The following BMPR1B variants were observed in gnomAD, a reference collection of about 807,000 sequenced individuals.
The protein encoded by BMPR1B is bone morphogenetic protein receptor type 1B.
A neutral mutation model predicts 59.1 loss-of-function variants in BMPR1B; 12 were observed. The observed-to-expected ratio is 0.20, with a 90% CI of 0.13 to 0.33. The LOEUF (loss-of-function observed/expected upper bound fraction) is 0.33, where lower values mean the gene tolerates loss of function less well. Among genes scored for constraint, BMPR1B ranks in the 10% least tolerant of loss-of-function variants. BMPR1B has a pLI of 1.00. For synonymous variants in BMPR1B, 237 were observed against 207.3 expected, an observed-to-expected ratio of 1.14 and a Z score of -1.23; for missense variants, 550 against 610.9, an observed-to-expected ratio of 0.90 and a Z score of 1.05.
At chr4:95,075,358 A>G (rs1313257124) in intron 3 of BMPR1B, among the ~76,000 whole-genome samples, 1 of 152,174 alleles carries the variant, frequency 6.6e-6, no homozygotes, top group East Asian at 1.9e-4. Flanking sequence ...TTAGGCAGTT[A>G]ATAGTGAATC....
chr4:94,968,621 A>G lies in BMPR1B; in HGVS notation c.-112-27419A>G, dbSNP rs537834104. Among the ~76,000 whole-genome samples the G allele has an allele frequency of 3.3e-5, 5 of 152,250 alleles. No individual in the cohort carries two copies. In the East Asian group the frequency reaches 9.7e-4, roughly 29 times the overall value. ...TAGTTTTGACGTTGACCCTTATGCT[A>G]CAACTTTCCAAGGCAGGTGGCAGGA... On this transcript the variant is annotated intron_variant, in intron 2 of 12. Coordinates refer to ENST00000515059, the MANE Select transcript of BMPR1B (RefSeq NM_001203.3).
chr4:94,883,220 A>G (rs982416770), intron 2 of BMPR1B, among the ~76,000 whole-genome samples: 9 of 152,114 alleles, frequency 5.9e-5, no homozygotes, highest in African/African-American at 1.4e-4. Flanking sequence ...AGTGATGTGC[A>G]TCTGAGGGAG....
chr4:94,827,960 G>A (rs1724443239), intron 1 of BMPR1B, among the ~76,000 whole-genome samples: 1 of 152,130 alleles, frequency 6.6e-6, no homozygotes, highest in Admixed American at 6.6e-5. Flanking sequence ...ACCAACTCAT[G>A]CTAACACAGA....
chr4:95,093,668 G>A (rs1422821092), intron 3 of BMPR1B, among the ~76,000 whole-genome samples: 1 of 151,888 alleles, frequency 6.6e-6, no homozygotes, highest in Non-Finnish European at 1.5e-5. Flanking sequence ...TAGGTCTCTT[G>A]GCAGGGTTTT....
chr4:94,790,401 C>T (rs1046687852), intron 1 of BMPR1B, among the ~76,000 whole-genome samples: 1 of 152,112 alleles, frequency 6.6e-6, no homozygotes, highest in Non-Finnish European at 1.5e-5. Flanking sequence ...AAAATAAGTA[C>T]TGAGTTTGGG....
intron 1 of BMPR1B, among the ~76,000 whole-genome samples, chr4:94,821,895 C>A (rs1724223278): frequency 6.6e-6 from 1 of 152,162 alleles, no homozygotes; most frequent in African/African-American, 2.4e-5. Context: ...TCCTCTTTCT[C>A]CCCGGTTAAT....
In BMPR1B at chr4:95,156,369, T is replaced by G. The variant is rs546290295; in HGVS notation, c.*1696T>G. The G allele has an allele frequency of 1.3e-5, 2 of 152,012 alleles. No individual in the cohort carries two copies. Among genetic ancestry groups the G allele is most frequent in the Admixed American group, 1.3e-4 (2 of 15,260 alleles). 9.4% of individuals were successfully genotyped at this position (152,012 alleles called of 1,614,324 possible). A position where few individuals can be genotyped will look rare whatever the true frequency, so the allele number is the denominator to read the frequency against. On this transcript the variant is annotated 3_prime_UTR_variant, in exon 13 of 13. Transcript: ENST00000515059. ...TCCCAGAATACTCCAGGGGGCAGTG[T>G]TTTATAACACATTTTCCCCACTGGG... is the stretch of plus-strand genomic sequence containing the variant.
chr4:94,761,215 G>A (rs186441775), intron 1 of BMPR1B, among the ~76,000 whole-genome samples: 244 of 152,284 alleles, frequency 1.6e-3, no homozygotes, highest in African/African-American at 5.6e-3. Context: ...TGCATGAAAT[G>A]TATCACTTTG....
intron 1 of BMPR1B, among the ~76,000 whole-genome samples, chr4:94,873,260 A>G (rs1375088257): frequency 6.6e-6 from 1 of 151,674 alleles, no homozygotes; most frequent in African/African-American, 2.4e-5. Context: ...TATTTGAGTT[A>G]CTCTTCTATT....
At chr4:94,770,826 T>C (rs929669803) in intron 1 of BMPR1B, among the ~76,000 whole-genome samples, 1 of 149,396 alleles carries the variant, frequency 6.7e-6, no homozygotes, top group Admixed American at 6.7e-5. Flanking sequence ...TGGATTATAT[T>C]GACTGGTTTC....
intron 1 of BMPR1B, among the ~76,000 whole-genome samples, chr4:94,798,610 A>G (rs1253651027): frequency 1.3e-5 from 2 of 152,200 alleles, no homozygotes; most frequent in Non-Finnish European, 2.9e-5. Flanking sequence ...ATGTGTTTTT[A>G]CTACTGACAG....
chr4:95,082,578 G>A (rs532940163), intron 3 of BMPR1B, among the ~76,000 whole-genome samples: 1 of 152,140 alleles, frequency 6.6e-6, no homozygotes, highest in Non-Finnish European at 1.5e-5. Context: ...TCCATAAAGT[G>A]TAAGTATTGT....
intron 1 of BMPR1B, among the ~76,000 whole-genome samples, chr4:94,866,545 G>A (rs1473668249): frequency 6.6e-6 from 1 of 151,954 alleles, no homozygotes; most frequent in Non-Finnish European, 1.5e-5. Context: ...GAAAAAGGCT[G>A]TCTGTGTTCC....
chr4:95,101,588 C>G (rs1730822650), intron 3 of BMPR1B, among the ~76,000 whole-genome samples: 1 of 152,014 alleles, frequency 6.6e-6, no homozygotes, highest in South Asian at 2.1e-4. Flanking sequence ...TCTTAGCTTT[C>G]CCCCCACATT....
intron 2 of BMPR1B, among the ~76,000 whole-genome samples, chr4:94,940,990 G>A (rs1729489181): frequency 6.6e-6 from 1 of 151,996 alleles, no homozygotes; most frequent in Non-Finnish European, 1.5e-5. Flanking sequence ...TACTTTATTT[G>A]AATATTTATT....
intron 2 of BMPR1B, among the ~76,000 whole-genome samples, chr4:94,898,976 A>G (rs1433912178): frequency 6.6e-6 from 1 of 152,098 alleles, no homozygotes; most frequent in African/African-American, 2.4e-5. Context: ...CTGGAAGACC[A>G]AAGTCCAAAA....
At position 94,942,201 on chromosome 4, in the gene BMPR1B, A is replaced by C. The variant is rs901357758; in HGVS notation, c.-112-53839A>C. Among the ~76,000 whole-genome samples the C allele has an allele frequency of 2.6e-5, 4 of 152,312 alleles. No homozygotes were observed. In the East Asian group the frequency reaches 7.7e-4, roughly 29 times the overall value. ...AAATAATTTAAATGGAGTCAGAATA[A>C]TTTTATTTGCCCTGCTGCATGAGGA... On this transcript the variant is annotated intron_variant, in intron 2 of 12. Coordinates refer to ENST00000515059, the MANE Select transcript of BMPR1B (RefSeq NM_001203.3).
chr4:94,919,441 C>T (rs1728608101), intron 2 of BMPR1B, among the ~76,000 whole-genome samples: 1 of 152,188 alleles, frequency 6.6e-6, no homozygotes. Flanking sequence ...CAATACTTAT[C>T]CTTGCTACTT....
chr4:95,076,013 G>T (rs1337734815), intron 3 of BMPR1B, among the ~76,000 whole-genome samples: 1 of 152,072 alleles, frequency 6.6e-6, no homozygotes. Context: ...ATAAAACAAG[G>T]CATATTTTTG....
Sources: allele counts gnomAD v4.1 joint callset (sites outside exome capture counted in the v4.1 genomes callset), GRCh38; gene constraint gnomAD v4.1.1; transcripts MANE v1.5; gene names NCBI Gene and HGNC (gene_info 2026-07-23, HGNC 2026-07-21).